GLIS3: variants seen among roughly 807,000 people sequenced by gnomAD.
The protein encoded by GLIS3 is GLIS family zinc finger 3, also known as zinc finger protein GLIS3.
A neutral mutation model predicts 78.6 loss-of-function variants in GLIS3; 53 were observed. That is an observed-to-expected ratio of 0.67 (90% confidence interval 0.54 to 0.85). GLIS3 has a LOEUF of 0.85. Ranked by LOEUF, GLIS3 falls within the 40% of genes least tolerant of loss-of-function variation. GLIS3 has a pLI of 0.00. For missense variants in GLIS3, 1,703 were observed against 1,231.1 expected (o/e 1.38, Z -5.74); for synonymous variants, 684 against 509.9 (o/e 1.34, Z -4.60).
At chr9:4,355,961 G>A in the GLIS3 span, among the ~76,000 whole-genome samples, 4 of 152,178 alleles carry the variant, frequency 2.6e-5, no homozygotes, top group African/African-American at 9.7e-5. Flanking sequence ...TTATCAAAAT[G>A]TATCAACTGG....
intron 2 of GLIS3, among the ~76,000 whole-genome samples, chr9:4,201,878 G>C (rs1005466947): frequency 6.6e-6 from 1 of 152,170 alleles, no homozygotes; most frequent in Non-Finnish European, 1.5e-5. Context: ...GCTCATGCCT[G>C]TAATTCCAGG....
the GLIS3 span, among the ~76,000 whole-genome samples, chr9:4,394,488 G>C: frequency 2.6e-5 from 4 of 152,042 alleles, no homozygotes; most frequent in Non-Finnish European, 5.9e-5. Context: ...TGCAGTTCTT[G>C]AACAACAAGC....
At chr9:4,401,980 C>A in the GLIS3 span, among the ~76,000 whole-genome samples, 1 of 152,126 alleles carries the variant, frequency 6.6e-6, no homozygotes, top group African/African-American at 2.4e-5. Flanking sequence ...TAGAATAGAA[C>A]AACAGATAAA....
intron 2 of GLIS3, among the ~76,000 whole-genome samples, chr9:4,164,652 G>A (rs1008885229): frequency 1.3e-5 from 2 of 152,166 alleles, no homozygotes; most frequent in Non-Finnish European, 1.5e-5. Flanking sequence ...AGGAAAGGCT[G>A]CTTAGAGGGC....
At chr9:4,455,378 A>C in the GLIS3 span, among the ~76,000 whole-genome samples, 1 of 152,194 alleles carries the variant, frequency 6.6e-6, no homozygotes, top group Non-Finnish European at 1.5e-5. Context: ...AATAGAGTTT[A>C]TGTGGCTGCA....
intron 8 of GLIS3, among the ~76,000 whole-genome samples, chr9:3,877,649 A>G (rs1821406207): frequency 1.3e-5 from 2 of 152,212 alleles, no homozygotes; most frequent in East Asian, 3.8e-4. Flanking sequence ...GGTAAAACTT[A>G]TAAATGAATT....
intron 2 of GLIS3, among the ~76,000 whole-genome samples, chr9:4,252,874 C>A (rs1824530584): frequency 6.6e-6 from 1 of 152,196 alleles, no homozygotes; most frequent in African/African-American, 2.4e-5. Context: ...GGCCCCTCTG[C>A]TGCAGGTCTG....
chr9:3,901,710 T>G (rs1386790509), intron 6 of GLIS3, among the ~76,000 whole-genome samples: 2 of 152,160 alleles, frequency 1.3e-5, no homozygotes, highest in Non-Finnish European at 2.9e-5. Flanking sequence ...TTAACACAGG[T>G]AGTGACTGAG....
At chr9:4,113,936 T>C (rs1049278422) in intron 4 of GLIS3, among the ~76,000 whole-genome samples, 2 of 152,180 alleles carry the variant, frequency 1.3e-5, no homozygotes. Flanking sequence ...TGAAAATCCA[T>C]GGGTGGGTAA....
At chr9:4,209,115 T>C (rs1229892098) in intron 2 of GLIS3, among the ~76,000 whole-genome samples, 1 of 152,178 alleles carries the variant, frequency 6.6e-6, no homozygotes, top group African/African-American at 2.4e-5. Flanking sequence ...GTCCTAAGAT[T>C]TTCTTCCTGC....
chr9:4,402,712 T>C, the GLIS3 span, among the ~76,000 whole-genome samples: 1 of 152,014 alleles, frequency 6.6e-6, no homozygotes, highest in Non-Finnish European at 1.5e-5. Flanking sequence ...CTCTTAATAG[T>C]AGAATTGATT....
intron 2 of GLIS3, among the ~76,000 whole-genome samples, chr9:4,320,983 C>G (rs1017683383): frequency 2.0e-5 from 3 of 151,986 alleles, no homozygotes; most frequent in Non-Finnish European, 4.4e-5. Context: ...AAGAACGTTG[C>G]TTGAGAAGGC....
intron 4 of GLIS3, among the ~76,000 whole-genome samples, chr9:4,104,635 T>G (rs1277482808): frequency 6.6e-6 from 1 of 152,134 alleles, no homozygotes; most frequent in East Asian, 1.9e-4. Flanking sequence ...CCCCCATTTC[T>G]CCATCACAGT....
At chr9:3,877,667 C>T (rs560319521) in intron 8 of GLIS3, among the ~76,000 whole-genome samples, 27 of 152,222 alleles carry the variant, frequency 1.8e-4, no homozygotes, top group African/African-American at 6.3e-4. Context: ...ATTTTGGTCC[C>T]TCCTCTTTGC....
chr9:3,954,077 C>G (rs1360293353), intron 4 of GLIS3, among the ~76,000 whole-genome samples: 1 of 152,156 alleles, frequency 6.6e-6, no homozygotes, highest in Admixed American at 6.5e-5. Flanking sequence ...TAACACTAAT[C>G]TGTTCTCCCT....
At chr9:4,101,581 G>A (rs891654439) in intron 4 of GLIS3, among the ~76,000 whole-genome samples, 8 of 152,068 alleles carry the variant, frequency 5.3e-5, no homozygotes, top group Admixed American at 1.3e-4. Flanking sequence ...TTATAATTTA[G>A]AAATTATTTT....
chr9:4,122,246 G>A (rs1168755168), intron 3 of GLIS3, among the ~76,000 whole-genome samples: 5 of 152,118 alleles, frequency 3.3e-5, no homozygotes, highest in Non-Finnish European at 7.4e-5. Context: ...TACATCACAT[G>A]GAGAATTCCT....
In GLIS3 at chr9:4,299,850, A is replaced by C. The variant is rs1443816083; in HGVS notation, c.-528T>G. On this transcript the variant is annotated 5_prime_UTR_variant, in exon 1 of 11. Coordinates refer to ENST00000381971, the MANE Select transcript of GLIS3 (RefSeq NM_001042413.2). ...GGGGCCGACCCCGGGATGCTGGCTA[A>C]TTGCTGCCGGCGGGTTCCGTCGCCG... is the stretch of plus-strand genomic sequence containing the variant. The C allele has an allele frequency of 2.0e-5, 3 of 152,284 alleles. No individual in the cohort carries two copies. Among genetic ancestry groups the C allele is most frequent in the African/African-American group, 7.2e-5 (3 of 41,430 alleles). The allele number at this position is 152,284 out of a possible 1,614,324, so 9.4% of individuals were successfully genotyped here.
chr9:3,898,883 G>A (rs746811228), intron 6 of GLIS3, 48 bp from the exon 7 acceptor site: 11 of 1,611,852 alleles, frequency 6.8e-6, no homozygotes, highest in Admixed American at 6.7e-5. Context: ...GCCGGTCCTT[G>A]GAATATTTTC....
Sources: gnomAD v4.1 joint callset for allele counts (sites outside exome capture counted in the v4.1 genomes callset) on GRCh38, gnomAD v4.1.1 for gene constraint, MANE v1.5 for transcripts, NCBI Gene and HGNC (gene_info 2026-07-23, HGNC 2026-07-21) for gene names.